The following ME1 variants were observed in gnomAD, a reference collection of about 807,000 sequenced individuals.
ME1 encodes NADP-dependent malic enzyme.
ME1 carries 74 observed loss-of-function variants against 66.4 expected under a neutral mutation model. The observed-to-expected ratio is 1.11, with a 90% CI of 0.92 to 1.35. ME1 has a LOEUF of 1.35. Among genes scored for constraint, ME1 ranks in the 40% most tolerant of loss-of-function variants. ME1 has a pLI of 0.00. For missense variants in ME1, 750 were observed against 694.1 expected, an observed-to-expected ratio of 1.08 and a Z score of -0.90; for synonymous variants, 251 against 235.6, an observed-to-expected ratio of 1.07 and a Z score of -0.60.
intron 1 of ME1, among the ~76,000 whole-genome samples, chr6:83,414,016 T>C (rs1770104421): frequency 6.9e-6 from 1 of 145,646 alleles, no homozygotes; most frequent in Non-Finnish European, 1.5e-5. Context: ...GAGGCTGAGG[T>C]GGGAAGATCA....
intron 6 of ME1, among the ~76,000 whole-genome samples, chr6:83,313,037 G>A (rs1767960226): frequency 6.6e-6 from 1 of 152,158 alleles, no homozygotes; most frequent in African/African-American, 2.4e-5. Context: ...GATTAAAGGT[G>A]TGAGCCACTG....
At chr6:83,315,739 G>C (rs535994077) in intron 5 of ME1, among the ~76,000 whole-genome samples, 1 of 151,958 alleles carries the variant, frequency 6.6e-6, no homozygotes, top group Admixed American at 6.6e-5. Context: ...CTCTACAAAA[G>C]AACAAAAATT....
chr6:83,346,047 T>G, intron 5 of ME1, 126 bp downstream of exon 5: 1 of 715,698 alleles, frequency 1.4e-6, no homozygotes, highest in Non-Finnish European at 2.2e-6. Flanking sequence ...AAGGGCAGAT[T>G]TGGAGAGAGA....
chr6:83,270,559 C>T (rs1353905790), intron 6 of ME1, among the ~76,000 whole-genome samples: 2 of 152,134 alleles, frequency 1.3e-5, no homozygotes, highest in African/African-American at 4.8e-5. Flanking sequence ...TAGTGGCACG[C>T]TAATGGAGGG....
At chr6:83,251,359 G>A (rs1312522808) in intron 7 of ME1, among the ~76,000 whole-genome samples, 1 of 152,030 alleles carries the variant, frequency 6.6e-6, no homozygotes, top group East Asian at 1.9e-4. Flanking sequence ...GCCGGGCGCA[G>A]TGGCACGCAC....
chr6:83,420,555 T>C (rs1387795996), intron 1 of ME1, among the ~76,000 whole-genome samples: 1 of 152,212 alleles, frequency 6.6e-6, no homozygotes, highest in East Asian at 1.9e-4. Flanking sequence ...TAGCAAAACC[T>C]AATCCTAAAT....
intron 11 of ME1, among the ~76,000 whole-genome samples, chr6:83,226,154 T>C (rs1002225514): frequency 2.0e-5 from 3 of 152,074 alleles, no homozygotes; most frequent in African/African-American, 7.2e-5. Flanking sequence ...ATTTTCATCC[T>C]CAAAATAACT....
intron 6 of ME1, among the ~76,000 whole-genome samples, chr6:83,263,726 G>T (rs879537318): frequency 6.6e-6 from 1 of 151,738 alleles, no homozygotes; most frequent in Non-Finnish European, 1.5e-5. Flanking sequence ...GATCCGTGAA[G>T]TTTAAGGAAA....
intron 12 of ME1, among the ~76,000 whole-genome samples, chr6:83,216,910 AG>A (rs1055692086): frequency 2.0e-5 from 3 of 152,200 alleles, no homozygotes; most frequent in African/African-American, 7.2e-5. Context: ...ACAAGGGAAA[AG>A]AAAAGAAAGA....
Position 83,407,837 on chromosome 6 carries a change from A to C in ME1, c.143T>G (p.Phe48Cys). ...LNIHGLLPPS[F>C]NSQEIQVLRV... ...AAGAACCTGGATCTCCTGACTGTTG[A>C]AGGAAGGTGGCAACAATCCATGAAT... The change falls in exon 2 of 14, where the codon TTC becomes TGC. Residue 48 changes from phenylalanine to cysteine, a missense_variant. By Grantham distance (205) the Phe-to-Cys change is radical. Transcript: ENST00000369705. The C allele has an allele frequency of 1.9e-6, 3 of 1,613,514 alleles. No homozygotes were observed. In the South Asian group the frequency reaches 3.3e-5, roughly 18 times the overall value.
intron 6 of ME1, among the ~76,000 whole-genome samples, chr6:83,260,007 T>C (rs1395731338): frequency 6.6e-6 from 1 of 152,146 alleles, no homozygotes; most frequent in Non-Finnish European, 1.5e-5. Flanking sequence ...AACAACTCTG[T>C]TTCCAAAATG....
chr6:83,402,300 G>C (rs1112482), intron 2 of ME1, among the ~76,000 whole-genome samples: 38,915 of 152,008 alleles, frequency 0.26, 5,582 homozygotes, highest in Middle Eastern at 0.45. Context: ...AGGATTCATA[G>C]GTCTAGGAAT....
At chr6:83,247,771 G>A (rs146505836) in intron 7 of ME1, among the ~76,000 whole-genome samples, 23 of 152,244 alleles carry the variant, frequency 1.5e-4, no homozygotes, top group Non-Finnish European at 2.4e-4. Context: ...TGCACAAAAC[G>A]GTTTGGTCAT....
At chr6:83,224,691 A>AT (rs1554262415) in intron 11 of ME1, among the ~76,000 whole-genome samples, 9 of 144,664 alleles carry the variant, frequency 6.2e-5, no homozygotes, top group African/African-American at 1.8e-4. Flanking sequence ...CTCAAAAAAA[A>AT]AAAAAATAAA....
intron 5 of ME1, among the ~76,000 whole-genome samples, chr6:83,342,696 T>C (rs561060772): frequency 2.6e-5 from 4 of 151,514 alleles, no homozygotes; most frequent in African/African-American, 9.7e-5. Flanking sequence ...ATTTCTTTTC[T>C]TTTTTTTTGA....
At chr6:83,328,017 G>A (rs776927881) in intron 5 of ME1, among the ~76,000 whole-genome samples, 26 of 152,268 alleles carry the variant, frequency 1.7e-4, no homozygotes, top group Non-Finnish European at 3.2e-4. Context: ...ACATGCACAC[G>A]TATGTTTATT....
At chr6:83,265,218 T>C (rs1407696214) in intron 6 of ME1, among the ~76,000 whole-genome samples, 1 of 152,188 alleles carries the variant, frequency 6.6e-6, no homozygotes, top group Admixed American at 6.5e-5. Context: ...TTAATTAAGG[T>C]AGACAAATTT....
chr6:83,407,136 T>C (rs1339355399), intron 2 of ME1, among the ~76,000 whole-genome samples: 1 of 151,874 alleles, frequency 6.6e-6, no homozygotes, highest in African/African-American at 2.4e-5. Flanking sequence ...TTCTCTCTAA[T>C]CCATGGATGA....
At chr6:83,313,077 C>T (rs1159265356) in intron 6 of ME1, among the ~76,000 whole-genome samples, 1 of 152,142 alleles carries the variant, frequency 6.6e-6, no homozygotes, top group Non-Finnish European at 1.5e-5. Flanking sequence ...CCTTAATAAA[C>T]TCTATCTCAG....
Sources: gnomAD v4.1 joint callset for allele counts (sites outside exome capture counted in the v4.1 genomes callset) on GRCh38, gnomAD v4.1.1 for gene constraint, MANE v1.5 for transcripts, NCBI Gene and HGNC (gene_info 2026-07-23, HGNC 2026-07-21) for gene names.